KCNJ6: variants seen among roughly 807,000 people sequenced by gnomAD.
The protein encoded by KCNJ6 is G protein-activated inward rectifier potassium channel 2.
In KCNJ6, 9 loss-of-function variants were observed where a neutral mutation model predicts 34.2. That is an observed-to-expected ratio of 0.26 (90% CI 0.16 to 0.46). The LOEUF (loss-of-function observed/expected upper bound fraction) is 0.46, where lower values mean the gene tolerates loss of function less well. Among genes scored for constraint, KCNJ6 ranks in the 20% least tolerant of loss-of-function variants. KCNJ6 has a pLI of 1.00. For synonymous variants in KCNJ6, 196 were observed against 207.1 expected (o/e 0.95, Z 0.46); for missense variants, 236 against 531.3 (o/e 0.44, Z 5.46).
chr21:37,808,602 T>G (rs2055305407), intron 2 of KCNJ6, among the ~76,000 whole-genome samples: 1 of 152,224 alleles, frequency 6.6e-6, no homozygotes, highest in African/African-American at 2.4e-5. Context: ...ATGTTCTGCT[T>G]TAGGCCCTAG....
intron 1 of KCNJ6, among the ~76,000 whole-genome samples, chr21:37,853,762 C>G (rs571762705): frequency 6.8e-6 from 1 of 147,744 alleles, no homozygotes; most frequent in Admixed American, 6.8e-5. Flanking sequence ...GGAAGGGAAA[C>G]GAATGTAAAG....
At chr21:37,842,704 G>A (rs1485878229) in intron 1 of KCNJ6, among the ~76,000 whole-genome samples, 1 of 149,080 alleles carries the variant, frequency 6.7e-6, no homozygotes, top group African/African-American at 2.5e-5. Context: ...TCACAGAGCT[G>A]AATAAGACAG....
At chr21:37,650,215 G>A (rs1317896017) in intron 3 of KCNJ6, among the ~76,000 whole-genome samples, 3 of 152,118 alleles carry the variant, frequency 2.0e-5, no homozygotes, top group Admixed American at 1.3e-4. Context: ...CCCTCTGCCC[G>A]CTTCCTTGAG....
chr21:37,748,178 G>C, intron 2 of KCNJ6, among the ~76,000 whole-genome samples: 1 of 152,298 alleles, frequency 6.6e-6, no homozygotes, highest in Non-Finnish European at 1.5e-5. Context: ...TGGTGGATAC[G>C]TGAACACTTC....
Position 37,802,454 on chromosome 21 carries a change from C to CG in KCNJ6, c.25+38203dup, listed in dbSNP as rs2055273811. On this transcript the variant is annotated intron_variant, in intron 2 of 3. Transcript: ENST00000609713. The stretch of plus-strand genomic sequence containing the variant: ...CACAAGGGTCCTTATAAGGGTAGGG[C>CG]GGGAGGGACAGAAAAGAAAAAGGGT... Among the ~76,000 whole-genome samples the CG allele has an allele frequency of 2.9e-5, 4 of 139,806 alleles. No individual in the cohort carries two copies. In the South Asian group the frequency reaches 1.1e-3, roughly 37 times the overall value. The allele number at this position is 139,806 out of a possible 152,430, so 91.7% of individuals were successfully genotyped here.
chr21:37,633,011 CATAAAT>C (rs1350113804), intron 3 of KCNJ6, among the ~76,000 whole-genome samples: 4 of 151,674 alleles, frequency 2.6e-5, no homozygotes, highest in Non-Finnish European at 5.9e-5. Flanking sequence ...ATAATAAAGT[CATAAAT>C]ATAGTACAAG....
chr21:37,754,659 G>A lies in KCNJ6; in HGVS notation c.26-39528C>T, dbSNP rs765600951. On this transcript the variant is annotated intron_variant, in intron 2 of 3. Coordinates refer to ENST00000609713, the MANE Select transcript of KCNJ6 (RefSeq NM_002240.5). ...ACGTGAGATTCCAACGCTAATGAGCGTGAAAGGTTTTTGCAAACAGGAACT... is the reference window on the plus strand; with the variant it reads ...ACGTGAGATTCCAACGCTAATGAGCATGAAAGGTTTTTGCAAACAGGAACT... Among the ~76,000 whole-genome samples, 12 of 152,190 alleles carry A rather than the reference G, an allele frequency of 7.9e-5. No individual in the cohort carries two copies. In the East Asian group the frequency reaches 9.6e-4, roughly 12 times the overall value.
At chr21:37,770,929 T>TTA (rs2055114985) in intron 2 of KCNJ6, among the ~76,000 whole-genome samples, 1 of 152,198 alleles carries the variant, frequency 6.6e-6, no homozygotes, top group African/African-American at 2.4e-5. Context: ...ATGGTTAACT[T>TTA]TATATCTCAG....
intron 3 of KCNJ6, among the ~76,000 whole-genome samples, chr21:37,647,262 A>G (rs1029731737): frequency 3.3e-5 from 5 of 152,042 alleles, no homozygotes; most frequent in Admixed American, 2.0e-4. Flanking sequence ...TGGATCCATG[A>G]GGTTTTTTGG....
chr21:37,647,961 C>T (rs1268323654), intron 3 of KCNJ6, among the ~76,000 whole-genome samples: 2 of 152,168 alleles, frequency 1.3e-5, no homozygotes, highest in Non-Finnish European at 2.9e-5. Flanking sequence ...TCCTGGACCT[C>T]AAGTTGGGAC....
At position 37,709,514 on chromosome 21, in the gene KCNJ6, C is replaced by CAA. The variant is rs768933487; in HGVS notation, c.946+4695_946+4696dup. 5.9e-4 allele frequency among the ~76,000 whole-genome samples: 57 copies of CAA among 95,970 alleles called. 1 individual carries two copies. Among genetic ancestry groups the CAA allele is most frequent in the African/African-American group, 2.2e-3 (52 of 23,380 alleles). 63.0% of individuals were successfully genotyped at this position (95,970 alleles called of 152,430 possible). A position where few individuals can be genotyped will look rare whatever the true frequency, so the allele number is the denominator to read the frequency against. On this transcript the variant is annotated intron_variant, in intron 3 of 3. Coordinates refer to ENST00000609713, the MANE Select transcript of KCNJ6 (RefSeq NM_002240.5). ...GGGCAACGAGAGCAAAACCCTGTCT[C>CAA]AAAAAAAAGAAAAGAAAAGAAAAGA...
intron 1 of KCNJ6, among the ~76,000 whole-genome samples, chr21:37,888,561 A>G (rs962377835): frequency 1.3e-5 from 2 of 152,224 alleles, no homozygotes; most frequent in East Asian, 3.8e-4. Flanking sequence ...CTCAACAAAT[A>G]GAAGATAAGA....
At chr21:37,818,193 C>CGTGTGT (rs200661921) in intron 2 of KCNJ6, among the ~76,000 whole-genome samples, 8,367 of 96,652 alleles carry the variant, frequency 0.087, 323 homozygotes, top group Middle Eastern at 0.14. Context: ...CTTAAAAGTG[C>CGTGTGT]GTGTGTGTGT....
chr21:37,721,228 A>G (rs917905203), intron 2 of KCNJ6, among the ~76,000 whole-genome samples: 1 of 152,254 alleles, frequency 6.6e-6, no homozygotes, highest in Non-Finnish European at 1.5e-5. Context: ...ATAATGAGAT[A>G]CCACTTCACA....
intron 1 of KCNJ6, among the ~76,000 whole-genome samples, chr21:37,890,932 G>A (rs1878839417): frequency 6.6e-6 from 1 of 152,178 alleles, no homozygotes; most frequent in South Asian, 2.1e-4. Context: ...GCACATGGGG[G>A]CAACCTTAAT....
chr21:37,766,141 T>C (rs909835389), intron 2 of KCNJ6, among the ~76,000 whole-genome samples: 6 of 152,234 alleles, frequency 3.9e-5, no homozygotes, highest in Non-Finnish European at 8.8e-5. Flanking sequence ...TCATGAATTT[T>C]GTATCTGGAG....
At chr21:37,820,545 T>C (rs1346813984) in intron 2 of KCNJ6, among the ~76,000 whole-genome samples, 7 of 152,168 alleles carry the variant, frequency 4.6e-5, no homozygotes, top group African/African-American at 1.7e-4. Flanking sequence ...ACATCGGGGA[T>C]CCTAGGCTAT....
At chr21:37,758,335 T>C (rs901363216) in intron 2 of KCNJ6, among the ~76,000 whole-genome samples, 1 of 152,220 alleles carries the variant, frequency 6.6e-6, no homozygotes, top group Non-Finnish European at 1.5e-5. Flanking sequence ...TGTAGAATAA[T>C]AGCAGTTATT....
At chr21:37,671,647 C>T (rs2054542738) in intron 3 of KCNJ6, among the ~76,000 whole-genome samples, 1 of 152,218 alleles carries the variant, frequency 6.6e-6, no homozygotes, top group African/African-American at 2.4e-5. Context: ...GTGGGGCAGG[C>T]TTGTGGGGCT....
Sources: allele counts gnomAD v4.1 joint callset (sites outside exome capture counted in the v4.1 genomes callset), GRCh38; gene constraint gnomAD v4.1.1; transcripts MANE v1.5; gene names NCBI Gene and HGNC (gene_info 2026-07-23, HGNC 2026-07-21).